RORA: variants seen among roughly 807,000 people sequenced by gnomAD.
RORA encodes nuclear receptor ROR-alpha.
RORA carries 7 observed loss-of-function variants against 69.5 expected under a neutral mutation model. The ratio of observed to expected loss-of-function variants is 0.10; its 90% CI spans 0.06 to 0.19. The LOEUF (loss-of-function observed/expected upper bound fraction) is 0.19, where lower values mean the gene tolerates loss of function less well. RORA is among the 10% of genes least tolerant of loss of function. The probability of loss-of-function intolerance (pLI) is 1.00; values close to 1 mark genes in which losing one functional copy is unlikely to be tolerated. For synonymous variants in RORA, 261 were observed against 240.8 expected, an observed-to-expected ratio of 1.08 and a Z score of -0.78; for missense variants, 457 against 663.0, an observed-to-expected ratio of 0.69 and a Z score of 3.41.
At chr15:61,042,639 G>A (rs1458204139) in intron 1 of RORA, among the ~76,000 whole-genome samples, 6 of 152,170 alleles carry the variant, frequency 3.9e-5, no homozygotes, top group South Asian at 2.1e-4. Flanking sequence ...CTGGCTGAGC[G>A]GACACAAGAT....
chr15:61,148,101 C>T (rs1465145283), intron 1 of RORA, among the ~76,000 whole-genome samples: 5 of 152,224 alleles, frequency 3.3e-5, no homozygotes, highest in African/African-American at 9.6e-5. Flanking sequence ...ATGCCGAAGG[C>T]GTGAGCCAAG....
chr15:60,681,680 T>A (rs1396983079), intron 1 of RORA: 3 of 152,226 alleles, frequency 2.0e-5, no homozygotes, highest in Non-Finnish European at 1.5e-5. Flanking sequence ...TTCTCACCCT[T>A]AAATGAGGGA....
chr15:61,086,264 C>A (rs2078623397), intron 1 of RORA, among the ~76,000 whole-genome samples: 2 of 152,192 alleles, frequency 1.3e-5, no homozygotes, highest in Admixed American at 6.5e-5. Context: ...TGCGAAAGAG[C>A]AAAAGCACTG....
chr15:61,172,941 G>A (rs56731736), intron 1 of RORA, among the ~76,000 whole-genome samples: 11 of 152,134 alleles, frequency 7.2e-5, no homozygotes, highest in Middle Eastern at 3.4e-3. Context: ...AGCCTCCTGC[G>A]TTATTACTAT....
chr15:60,557,059 A>C, intron 2 of RORA: 1 of 665,704 alleles, frequency 1.5e-6, no homozygotes, highest in South Asian at 2.0e-5. Flanking sequence ...TAGGTAGCCA[A>C]CTCCCACTGT....
rs920855764 is a variant in RORA, at chr15:61,226,951, C to G, written c.166+2102G>C. Among the ~76,000 whole-genome samples, 1 of 152,062 alleles carries G rather than the reference C, an allele frequency of 6.6e-6. No homozygotes were observed. Among genetic ancestry groups the G allele is most frequent in the Non-Finnish European group, 1.5e-5 (1 of 68,008 alleles). ...AGATGTATCCCACTCCTACTATGCC[C>G]CTCTCCCCTTTTTGCTGAGCCTAAG... is the stretch of plus-strand genomic sequence containing the variant. On this transcript the variant is annotated intron_variant, in intron 1 of 10. Transcript: ENST00000335670. This position sits in a 1 kb window ranked among gnomAD's most constrained non-coding sequence, Gnocchi z 4.2.
At chr15:60,602,634 T>G (rs1396675922) in intron 2 of RORA, among the ~76,000 whole-genome samples, 1 of 152,192 alleles carries the variant, frequency 6.6e-6, no homozygotes, top group Non-Finnish European at 1.5e-5. Context: ...TAGTGGTTAT[T>G]TTACACTAAC....
intron 2 of RORA, chr15:60,546,256 A>G (rs1225163491): frequency 6.6e-6 from 1 of 152,218 alleles, no homozygotes; most frequent in Non-Finnish European, 1.5e-5. Flanking sequence ...ATGTATTTTA[A>G]TATTCCAGGG....
intron 1 of RORA, among the ~76,000 whole-genome samples, chr15:60,751,908 A>G (rs1321702770): frequency 6.6e-6 from 1 of 152,148 alleles, no homozygotes; most frequent in Non-Finnish European, 1.5e-5. Flanking sequence ...TCTCACCCCT[A>G]TGACTCCATG....
rs1451406349 is a variant in RORA at position 60,897,405 on chromosome 15, C to G, written c.167-218719G>C. Among the ~76,000 whole-genome samples, 5 of 152,182 alleles carry G rather than the reference C, an allele frequency of 3.3e-5. No homozygotes were observed. The East Asian group carries it at 9.6e-4, about 29-fold the overall frequency. On this transcript the variant is annotated intron_variant, in intron 1 of 10. Coordinates refer to ENST00000335670, the MANE Select transcript of RORA (RefSeq NM_134261.3). Reference sequence around the variant, plus strand: ...CCATTTCACTCCAGAATAAGTTAAACAGTTGCCTCAAATCCTTCTCCTGTA... The same window carrying G: ...CCATTTCACTCCAGAATAAGTTAAAGAGTTGCCTCAAATCCTTCTCCTGTA...
At chr15:60,816,774 A>C (rs1199945047) in intron 1 of RORA, among the ~76,000 whole-genome samples, 1 of 152,096 alleles carries the variant, frequency 6.6e-6, no homozygotes, top group East Asian at 1.9e-4. Flanking sequence ...GTAGTGTTGA[A>C]GTCTCCAGCT....
At chr15:60,769,348 G>T (rs918253183) in intron 1 of RORA, among the ~76,000 whole-genome samples, 1 of 152,134 alleles carries the variant, frequency 6.6e-6, no homozygotes, top group Non-Finnish European at 1.5e-5. Context: ...ATTCACCAGG[G>T]TTAGGTGCTC....
intron 1 of RORA, among the ~76,000 whole-genome samples, chr15:60,922,955 A>G: frequency 6.6e-6 from 1 of 152,248 alleles, no homozygotes; most frequent in Admixed American, 6.5e-5. Flanking sequence ...TATTTCCGGG[A>G]AGACAGACAA....
chr15:60,548,470 AAC>A (rs1450878181), intron 2 of RORA, among the ~76,000 whole-genome samples: 2 of 152,094 alleles, frequency 1.3e-5, no homozygotes, highest in Admixed American at 1.3e-4. Context: ...AAACACACAC[AAC>A]AGTCTTAAAT....
At chr15:60,977,637 G>A (rs1375136040) in intron 1 of RORA, among the ~76,000 whole-genome samples, 5 of 151,890 alleles carry the variant, frequency 3.3e-5, no homozygotes, top group African/African-American at 7.3e-5. Context: ...TCATCCCCTG[G>A]CAACCACTAA....
chr15:60,761,716 C>G (rs926199623), intron 1 of RORA, among the ~76,000 whole-genome samples: 4 of 152,144 alleles, frequency 2.6e-5, no homozygotes, highest in Non-Finnish European at 5.9e-5. Context: ...TCTCCCCTAA[C>G]CATTTAGGTA....
chr15:60,752,720 A>T (rs192844869), intron 1 of RORA, among the ~76,000 whole-genome samples: 10 of 150,892 alleles, frequency 6.6e-5, no homozygotes, highest in Admixed American at 2.0e-4. Flanking sequence ...ATCGACTCTG[A>T]CCTTGTAAAC....
At chr15:60,953,737 A>G (rs1008593146) in intron 1 of RORA, among the ~76,000 whole-genome samples, 3 of 152,004 alleles carry the variant, frequency 2.0e-5, no homozygotes, top group African/African-American at 7.3e-5. Flanking sequence ...CAAAACCACT[A>G]TGAGATACCA....
intron 1 of RORA, among the ~76,000 whole-genome samples, chr15:60,942,094 G>A (rs774940618): frequency 1.3e-4 from 20 of 151,750 alleles, no homozygotes; most frequent in Admixed American, 1.3e-3. Flanking sequence ...TAAAAACATG[G>A]AATTTTTTTT....
Sources: allele counts gnomAD v4.1 joint callset (sites outside exome capture counted in the v4.1 genomes callset), GRCh38; gene constraint gnomAD v4.1.1; non-coding constraint Gnocchi (gnomAD v3.1); transcripts MANE v1.5; gene names NCBI Gene and HGNC (gene_info 2026-07-23, HGNC 2026-07-21).